The following RGS6 variants were observed in gnomAD, a reference collection of about 807,000 sequenced individuals.
RGS6 encodes the protein regulator of G-protein signaling 6.
A neutral mutation model predicts 78.5 loss-of-function variants in RGS6; 30 were observed. The ratio of observed to expected loss-of-function variants is 0.38; its 90% confidence interval spans 0.29 to 0.52. The LOEUF is 0.52. Ranked by LOEUF, RGS6 falls within the 20% of genes least tolerant of loss-of-function variation. The pLI is 0.85. For missense variants in RGS6, 495 were observed against 609.7 expected (o/e 0.81, Z 1.98); for synonymous variants, 206 against 206.0 (o/e 1.00, Z 0.00).
intron 2 of RGS6, among the ~76,000 whole-genome samples, chr14:72,057,087 G>T (rs1427193440): frequency 6.6e-6 from 1 of 152,146 alleles, no homozygotes; most frequent in East Asian, 1.9e-4. Flanking sequence ...GCCGAGGCAG[G>T]CGGATCACTT....
chr14:71,964,980 A>G (rs2093429315), intron 2 of RGS6, 105 bp downstream of exon 2: 3 of 699,994 alleles, frequency 4.3e-6, no homozygotes, highest in South Asian at 3.3e-5. Context: ...TGCCTTACTG[A>G]TAAATGCATA....
At chr14:72,254,009 C>A (rs1466544644) in intron 2 of RGS6, among the ~76,000 whole-genome samples, 1 of 152,158 alleles carries the variant, frequency 6.6e-6, no homozygotes, top group Non-Finnish European at 1.5e-5. Flanking sequence ...GCGTTGTAGA[C>A]CACGATGACA....
chr14:71,875,534 T>C, the RGS6 span, among the ~76,000 whole-genome samples: 2 of 152,326 alleles, frequency 1.3e-5, no homozygotes, highest in East Asian at 1.9e-4. Flanking sequence ...TTCTTCTCTC[T>C]TTTCTTCTTT....
intron 2 of RGS6, among the ~76,000 whole-genome samples, chr14:72,213,167 A>G (rs2044603291): frequency 6.6e-6 from 1 of 152,318 alleles, no homozygotes; most frequent in Middle Eastern, 3.4e-3. Context: ...AATCTTACCA[A>G]CATCTTTGGG....
chr14:72,619,551 G>A, the RGS6 span, among the ~76,000 whole-genome samples: 1 of 152,218 alleles, frequency 6.6e-6, no homozygotes. Flanking sequence ...GAGGAGATGG[G>A]CTCAACTCTT....
intron 2 of RGS6, among the ~76,000 whole-genome samples, chr14:72,138,449 G>GTT (rs71448384): frequency 0.038 from 3,283 of 86,508 alleles, 106 homozygotes; most frequent in Middle Eastern, 0.071. Context: ...ACCTGTACCT[G>GTT]TTTTTTTTTT....
At chr14:72,067,760 G>C (rs2094221048) in intron 2 of RGS6, among the ~76,000 whole-genome samples, 1 of 152,168 alleles carries the variant, frequency 6.6e-6, no homozygotes, top group Non-Finnish European at 1.5e-5. Context: ...GTCTGGCCTT[G>C]CTTTTCTTTA....
intron 2 of RGS6, among the ~76,000 whole-genome samples, chr14:72,113,326 A>G (rs1179295258): frequency 6.6e-6 from 1 of 152,178 alleles, no homozygotes; most frequent in Non-Finnish European, 1.5e-5. Flanking sequence ...TGTCAGAGTA[A>G]TTGAGATGGA....
intron 1 of RGS6, among the ~76,000 whole-genome samples, chr14:71,950,404 C>T (rs2092163400): frequency 6.6e-6 from 1 of 152,126 alleles, no homozygotes; most frequent in African/African-American, 2.4e-5. Context: ...CTTCCTTACA[C>T]CTTATCCAAA....
intron 1 of RGS6, among the ~76,000 whole-genome samples, chr14:71,940,525 A>G (rs764301413): frequency 4.6e-5 from 7 of 152,228 alleles, no homozygotes; most frequent in African/African-American, 7.2e-5. Context: ...TAGGAACACC[A>G]TGATTAATTA....
intron 2 of RGS6, among the ~76,000 whole-genome samples, chr14:72,101,549 GTC>G (rs1328272549): frequency 6.6e-6 from 1 of 152,206 alleles, no homozygotes; most frequent in East Asian, 1.9e-4. Context: ...TGCTTCTGAG[GTC>G]TCTCTGTCTG....
intron 2 of RGS6, among the ~76,000 whole-genome samples, chr14:72,065,754 ATTATTTTATT>A (rs560090942): frequency 3.0e-4 from 45 of 152,180 alleles, no homozygotes; most frequent in Non-Finnish European, 4.9e-4. Context: ...AGTGGCCCTC[ATTATTTTATT>A]TTATTTTATT....
the RGS6 span, among the ~76,000 whole-genome samples, chr14:71,893,739 C>T: frequency 5.3e-5 from 8 of 152,234 alleles, no homozygotes; most frequent in East Asian, 1.9e-4. Context: ...ATACATCACA[C>T]GTTCATTTTG....
chr14:72,473,798 T>C (rs2096158221), intron 9 of RGS6: 1 of 152,194 alleles, frequency 6.6e-6, no homozygotes, highest in East Asian at 1.9e-4. Flanking sequence ...TAAAGACAGC[T>C]TATGTAATAT....
the RGS6 span, among the ~76,000 whole-genome samples, chr14:72,606,605 G>A: frequency 6.6e-6 from 1 of 152,206 alleles, no homozygotes; most frequent in Non-Finnish European, 1.5e-5. Flanking sequence ...GAGGAAGGCC[G>A]TTCTGCTCTG....
At chr14:72,425,709 T>G (rs2153128808) in intron 3 of RGS6, among the ~76,000 whole-genome samples, 1 of 152,332 alleles carries the variant, frequency 6.6e-6, no homozygotes, top group African/African-American at 2.4e-5. Context: ...GGAGGATAAT[T>G]TGGTTCAACA....
At chr14:72,183,250 G>T (rs1043303659) in intron 2 of RGS6, among the ~76,000 whole-genome samples, 1 of 152,168 alleles carries the variant, frequency 6.6e-6, no homozygotes, top group Non-Finnish European at 1.5e-5. Flanking sequence ...AAGACCATCT[G>T]CTTAGGTAAT....
intron 3 of RGS6, among the ~76,000 whole-genome samples, chr14:72,369,529 G>A (rs2083060814): frequency 6.6e-6 from 1 of 152,144 alleles, no homozygotes; most frequent in Non-Finnish European, 1.5e-5. Flanking sequence ...GCACATTATA[G>A]TTTAAAGTAG....
intron 3 of RGS6, among the ~76,000 whole-genome samples, chr14:72,423,659 G>A (rs936750427): frequency 8.1e-6 from 1 of 123,468 alleles, no homozygotes; most frequent in African/African-American, 3.0e-5. Flanking sequence ...AACTGACACT[G>A]AAGACTACTA....
Sources: gnomAD v4.1 joint callset for allele counts (sites outside exome capture counted in the v4.1 genomes callset) on GRCh38, gnomAD v4.1.1 for gene constraint, MANE v1.5 for transcripts, NCBI Gene and HGNC (gene_info 2026-07-23, HGNC 2026-07-21) for gene names.